Variants in DCLK1 observed in about 807,000 individuals in gnomAD.
DCLK1 encodes the protein doublecortin like kinase 1, also known as serine/threonine-protein kinase DCLK1.
In DCLK1, 16 loss-of-function variants were observed where a neutral mutation model predicts 86.2. That is an observed-to-expected ratio of 0.19 (90% CI 0.13 to 0.28). DCLK1 has a LOEUF of 0.28. DCLK1 is among the 10% of genes least tolerant of loss of function. DCLK1 has a pLI of 1.00. For synonymous variants in DCLK1, 369 were observed against 370.5 expected, an observed-to-expected ratio of 1.00 and a Z score of 0.05; for missense variants, 590 against 940.2, an observed-to-expected ratio of 0.63 and a Z score of 4.87.
At chr13:35,871,994 C>T (rs1872302850) in intron 4 of DCLK1, among the ~76,000 whole-genome samples, 1 of 152,206 alleles carries the variant, frequency 6.6e-6, no homozygotes, top group African/African-American at 2.4e-5. Flanking sequence ...TAAGAAACAA[C>T]TTCACTTTCA....
intron 4 of DCLK1, among the ~76,000 whole-genome samples, chr13:35,935,602 G>T (rs757113265): frequency 4.6e-5 from 7 of 152,196 alleles, no homozygotes; most frequent in Admixed American, 1.3e-4. Flanking sequence ...GATGAGTTCA[G>T]TTGTGGGATG....
At chr13:35,893,389 T>C (rs543883168) in intron 4 of DCLK1, among the ~76,000 whole-genome samples, 28 of 152,348 alleles carry the variant, frequency 1.8e-4, no homozygotes, top group Admixed American at 1.5e-3. Context: ...AGGCAAGCCA[T>C]ATTAACAACT....
Position 36,111,960 on chromosome 13 carries a change from T to C in DCLK1, c.632A>G (p.His211Arg), listed in dbSNP as rs777528773. The change falls in exon 3 of 17, where the codon CAT (histidine) becomes CGT (arginine). Residue 211 changes from histidine to arginine, a missense_variant. Physicochemically the swap from His to Arg is conservative, Grantham distance 29 (BLOSUM62 0). Around this residue, in one of 6 missense-constraint regions of DCLK1, gnomAD observed 195 missense variants for 365.1 expected, o/e 0.53. Transcript: ENST00000360631. ...ATCGGTGAGGACCTGCTCAAAGGAA[T>C]GAGCCGTTTTCTTGTTCAGCAGAAT... Reference protein sequence around the residue: ...VRILLNKKTAHSFEQVLTDIT... With the variant: ...VRILLNKKTARSFEQVLTDIT... 2 of 1,614,246 alleles carry C rather than the reference T, an allele frequency of 1.2e-6. No individual in the cohort carries two copies. Among genetic ancestry groups the C allele is most frequent in the South Asian group, 1.1e-5 (1 of 91,086 alleles).
chr13:35,955,857 T>G (rs1877950315), intron 3 of DCLK1, among the ~76,000 whole-genome samples: 1 of 152,172 alleles, frequency 6.6e-6, no homozygotes. Context: ...TAAGGCATAG[T>G]AGGTAGGTCT....
intron 15 of DCLK1, among the ~76,000 whole-genome samples, chr13:35,795,925 CAAAAAA>C (rs36039528): frequency 1.1e-5 from 1 of 90,126 alleles, no homozygotes; most frequent in East Asian, 2.8e-4. Flanking sequence ...AACTCCATCT[CAAAAAA>C]AAAAAAAAAA....
chr13:35,874,795 G>T lies in DCLK1; in HGVS notation c.824-3455C>A, dbSNP rs548878313. On this transcript the variant is annotated intron_variant, in intron 4 of 16. Transcript: ENST00000360631. The stretch of plus-strand genomic sequence containing the variant: ...GATTCGCAAAACAGAGCTTTGGAAC[G>T]TGCCAAGGAGATCTCAGATTAGCTC... 2.6e-5 allele frequency among the ~76,000 whole-genome samples: 4 copies of T among 152,200 alleles called. No individual in the cohort carries two copies. The East Asian group carries it at 7.7e-4, about 29-fold the overall frequency.
At chr13:35,914,368 T>TGC (rs1491381888) in intron 4 of DCLK1, among the ~76,000 whole-genome samples, 4 of 16,690 alleles carry the variant, frequency 2.4e-4, no homozygotes, top group African/African-American at 8.6e-4. Flanking sequence ...TATATATATA[T>TGC]GTATATATAT....
intron 3 of DCLK1, among the ~76,000 whole-genome samples, chr13:36,053,073 C>T (rs1883182828): frequency 6.6e-6 from 1 of 152,134 alleles, no homozygotes; most frequent in Non-Finnish European, 1.5e-5. Flanking sequence ...CAGTTATTTC[C>T]TCCAAATTCT....
chr13:35,849,585 T>C (rs1012868559), intron 6 of DCLK1: 1 of 977,734 alleles, frequency 1.0e-6, no homozygotes, highest in Non-Finnish European at 1.2e-6. Flanking sequence ...CATTATTTTA[T>C]GTTTAAGCAA....
rs7318861 is a variant in DCLK1, at chr13:36,090,326, C to T, written c.723+21543G>A. Among the ~76,000 whole-genome samples, 377 of 152,088 alleles carry T rather than the reference C, an allele frequency of 2.5e-3. 3 individuals carry two copies. Among genetic ancestry groups the T allele is most frequent in the Non-Finnish European group, 3.9e-3 (264 of 68,002 alleles). ...CACAGGCATATTTTCAAAATACCCC[C>T]GAGGAGCCCTTCTTCTTAGAGGAGT... On this transcript the variant is annotated intron_variant, in intron 3 of 16. Transcript: ENST00000360631.
intron 3 of DCLK1, among the ~76,000 whole-genome samples, chr13:36,085,072 T>C (rs1884545988): frequency 1.3e-5 from 2 of 152,192 alleles, no homozygotes; most frequent in South Asian, 2.1e-4. Context: ...ACTATAAATA[T>C]GCCCAAGGAA....
In DCLK1 at chr13:35,812,976, C is replaced by T. The variant is rs2087180051; in HGVS notation, c.1555-2008G>A. Among the ~76,000 whole-genome samples, 3 of 152,334 alleles carry T rather than the reference C, an allele frequency of 2.0e-5. No homozygotes were observed. In the South Asian group the frequency reaches 6.2e-4, roughly 32 times the overall value. ...GCATCACAGCTGCAAAACACAACAT[C>T]GGCCCCAGCCTAACTGTTCTTAGGC... On this transcript the variant is annotated intron_variant, in intron 11 of 16. Coordinates refer to ENST00000360631, the MANE Select transcript of DCLK1 (RefSeq NM_001330071.2).
rs575410929 is a variant in DCLK1 at position 35,893,325 on chromosome 13, C to T, written c.824-21985G>A. Among the ~76,000 whole-genome samples, 391 of 152,206 alleles carry T rather than the reference C, an allele frequency of 2.6e-3. 3 individuals are homozygous for T. The highest frequency in any genetic ancestry group is 1.3e-3 in the Non-Finnish European group (91 of 68,006). On this transcript the variant is annotated intron_variant, in intron 4 of 16. Transcript: ENST00000360631. ...CCTTGGCAAATATTTTTTGAACATC[C>T]ACTGTGTGACATACAAAAAAGAATA...
At chr13:36,037,232 A>G (rs1424966929) in intron 3 of DCLK1, among the ~76,000 whole-genome samples, 1 of 152,186 alleles carries the variant, frequency 6.6e-6, no homozygotes, top group African/African-American at 2.4e-5. Context: ...TGTGGTTACC[A>G]GAAGCCAGAA....
At chr13:36,007,388 C>G (rs902170482) in intron 3 of DCLK1, among the ~76,000 whole-genome samples, 1 of 152,210 alleles carries the variant, frequency 6.6e-6, no homozygotes, top group African/African-American at 2.4e-5. Context: ...TGTATTAACA[C>G]AAATGTGAAT....
intron 4 of DCLK1, among the ~76,000 whole-genome samples, chr13:35,942,430 G>T (rs376701431): frequency 2.3e-4 from 35 of 152,214 alleles, no homozygotes; most frequent in South Asian, 8.3e-4. Flanking sequence ...TGATCCACCC[G>T]CCTTGGCCTC....
At position 35,770,289 on chromosome 13, in the gene DCLK1, A is replaced by G. The variant is rs1370266340; in HGVS notation, c.*4246T>C. ...AATGTTTAGTGTGTCCTCAAGTTTC[A>G]TTGATTTGTTTGCCTTTAAGCAAGA... On this transcript the variant is annotated 3_prime_UTR_variant, in exon 17 of 17. Coordinates refer to ENST00000360631, the MANE Select transcript of DCLK1 (RefSeq NM_001330071.2). 1 of 152,204 alleles carries G rather than the reference A, an allele frequency of 6.6e-6. No individual in the cohort carries two copies. Among genetic ancestry groups the G allele is most frequent in the African/African-American group, 2.4e-5 (1 of 41,456 alleles). The allele number at this position is 152,204 out of a possible 1,614,324, so 9.4% of individuals were successfully genotyped here.
intron 6 of DCLK1, among the ~76,000 whole-genome samples, chr13:35,844,382 G>A (rs2153108747): frequency 6.6e-6 from 1 of 152,292 alleles, no homozygotes; most frequent in African/African-American, 2.4e-5. Flanking sequence ...AATGCACTTA[G>A]TTACAACTAG....
At chr13:35,980,884 C>A (rs1049756356) in intron 3 of DCLK1, among the ~76,000 whole-genome samples, 6 of 152,010 alleles carry the variant, frequency 3.9e-5, no homozygotes, top group Non-Finnish European at 7.4e-5. Context: ...TCTTAAACTC[C>A]TGGGCTCAAG....
Sources: allele counts gnomAD v4.1 joint callset (sites outside exome capture counted in the v4.1 genomes callset), GRCh38; gene constraint gnomAD v4.1.1; regional missense constraint gnomAD v4.1.1; transcripts MANE v1.5; gene names NCBI Gene and HGNC (gene_info 2026-07-23, HGNC 2026-07-21).